Variants in CABP5 observed in about 807,000 individuals in gnomAD.
The protein encoded by CABP5 is calcium-binding protein 5.
A neutral mutation model predicts 21.9 loss-of-function variants in CABP5; 17 were observed. The observed-to-expected ratio is 0.78, with a 90% confidence interval of 0.53 to 1.17. The LOEUF (loss-of-function observed/expected upper bound fraction) is 1.17. CABP5 is among the 50% of genes most tolerant of loss of function. The pLI, the probability that CABP5 is intolerant of heterozygous loss-of-function variation, is 0.00. For missense variants in CABP5, 229 were observed against 228.9 expected (o/e 1.00, Z 0.00); for synonymous variants, 85 against 79.4 (o/e 1.07, Z -0.37).
chr19:48,034,546 T>TC (rs1967384318), intron 4 of CABP5, among the ~76,000 whole-genome samples, 184 bp from the exon 5 acceptor site: 3 of 70,834 alleles, frequency 4.2e-5, no homozygotes, highest in Admixed American at 1.4e-4. Flanking sequence ...TTTTCTTTCT[T>TC]TTTTTTTTTT....
intron 3 of CABP5, 75 bp from the exon 4 acceptor site, chr19:48,039,392 CAGTT>C (rs1249950106): frequency 9.1e-7 from 1 of 1,098,770 alleles, no homozygotes; most frequent in Non-Finnish European, 1.4e-6. Context: ...TGCTTCGAGT[CAGTT>C]AGATCAGCTC....
chr19:48,038,503 T>G (rs1410255660), intron 4 of CABP5, among the ~76,000 whole-genome samples: 1 of 152,110 alleles, frequency 6.6e-6, no homozygotes, highest in African/African-American at 2.4e-5. Context: ...GATCTCAAAT[T>G]CTTGGATTCT....
intron 4 of CABP5, among the ~76,000 whole-genome samples, chr19:48,038,644 T>C (rs138124949): frequency 1.3e-5 from 2 of 152,102 alleles, no homozygotes; most frequent in South Asian, 4.1e-4. Context: ...CTGGTCAACA[T>C]GGTGAAACCC....
chr19:48,039,102 G>T, intron 4 of CABP5, 106 bp downstream of exon 4: 1 of 794,612 alleles, frequency 1.3e-6, no homozygotes, highest in Non-Finnish European at 2.1e-6. Flanking sequence ...GAAAAAAAAA[G>T]GTGGGGGCCT....
In CABP5 at chr19:48,043,928, G is replaced by T. The variant is rs1967516816; in HGVS notation, c.-6C>A. ...GGGCCCATGGGGAACTGCATGGAGG[G>T]GTGGGGTGGAGCTCGCAGGGCACCA... On this transcript the variant is annotated 5_prime_UTR_variant, in exon 1 of 6. Coordinates refer to ENST00000293255, the MANE Select transcript of CABP5 (RefSeq NM_019855.5). 4.0e-6 allele frequency: 6 copies of T among 1,508,782 alleles called. No individual in the cohort carries two copies. Among genetic ancestry groups the T allele is most frequent in the Non-Finnish European group, 5.3e-6 (6 of 1,135,234 alleles). 93.5% of individuals were successfully genotyped at this position (1,508,782 alleles called of 1,614,324 possible). A position where few individuals can be genotyped will look rare whatever the true frequency, so the allele number is the denominator to read the frequency against.
At chr19:48,032,700 G>A (rs545825038) in intron 5 of CABP5, among the ~76,000 whole-genome samples, 29 of 149,172 alleles carry the variant, frequency 1.9e-4, no homozygotes, top group African/African-American at 6.7e-4. Context: ...GTGTGACCTC[G>A]GCTCACTGCA....
chr19:48,039,113 G>T, intron 4 of CABP5, 95 bp downstream of exon 4: 1 of 921,752 alleles, frequency 1.1e-6, no homozygotes, highest in Non-Finnish European at 1.8e-6. Context: ...GTGGGGGCCT[G>T]GTTGGTGGGT....
chr19:48,033,304 G>A (rs1017899052), intron 5 of CABP5, among the ~76,000 whole-genome samples: 3 of 135,060 alleles, frequency 2.2e-5, no homozygotes, highest in African/African-American at 7.5e-5. Flanking sequence ...ATGTCCGGCC[G>A]ACATGCCTTC....
At chr19:48,041,442 A>G (rs1763810373) in intron 2 of CABP5, 131 bp downstream of exon 2, 2 of 884,762 alleles carry the variant, frequency 2.3e-6, no homozygotes, top group African/African-American at 1.7e-5. Flanking sequence ...ACAAAATTAC[A>G]GTTGAGTGGG....
chr19:48,042,104 C>T (rs1357401418), intron 1 of CABP5, among the ~76,000 whole-genome samples: 2 of 152,158 alleles, frequency 1.3e-5, no homozygotes, highest in African/African-American at 2.4e-5. Flanking sequence ...TCACACAGCT[C>T]ACAAGCAGCA....
intron 4 of CABP5, among the ~76,000 whole-genome samples, chr19:48,038,091 A>G (rs886804058): frequency 5.9e-5 from 9 of 152,020 alleles, no homozygotes. Context: ...ATTTTTTTGC[A>G]TTTTTAGTAG....
intron 5 of CABP5, among the ~76,000 whole-genome samples, chr19:48,032,367 C>T (rs1420744887): frequency 3.3e-5 from 5 of 150,104 alleles, no homozygotes; most frequent in African/African-American, 1.2e-4. Context: ...CGGAGTCTCG[C>T]TCTGTCACCC....
chr19:48,035,455 G>A (rs1251049121), intron 4 of CABP5, among the ~76,000 whole-genome samples: 1 of 152,210 alleles, frequency 6.6e-6, no homozygotes, highest in Non-Finnish European at 1.5e-5. Context: ...AAATTAGCCA[G>A]GCGTGGTGGC....
At chr19:48,042,946 T>C (rs774074991) in intron 1 of CABP5, among the ~76,000 whole-genome samples, 15 of 152,134 alleles carry the variant, frequency 9.9e-5, no homozygotes, top group Non-Finnish European at 2.1e-4. Flanking sequence ...CAAGTTGGTA[T>C]ATATGGAAAA....
Position 48,043,924 on chromosome 19 carries a change from G to C in CABP5, c.-2C>G, listed in dbSNP as rs1415174923. 6.6e-7 allele frequency: 1 copy of C among 1,507,488 alleles called. No individual in the cohort carries two copies. The highest frequency in any genetic ancestry group is 8.8e-7 in the Non-Finnish European group (1 of 1,134,264). 93.4% of individuals were successfully genotyped at this position (1,507,488 alleles called of 1,614,324 possible). On this transcript the variant is annotated 5_prime_UTR_variant, in exon 1 of 6. Coordinates refer to ENST00000293255, the MANE Select transcript of CABP5 (RefSeq NM_019855.5). ...GGCGGGGCCCATGGGGAACTGCATG[G>C]AGGGGTGGGGTGGAGCTCGCAGGGC...
rs1600130529 is a variant in CABP5 at position 48,043,876 on chromosome 19, A to G, written c.47T>C (p.Ile16Thr). ...GPACIFLRKG[I>T]AEKQRERPLG... ...CCACCTCACCCGCTGTTTCTCAGCA[A>G]TGCCTTTCCTCAAGAAGATGCAGGC... Residue 16 changes from isoleucine (I) to threonine (T), a missense_variant, in exon 1 of 6, where the codon ATT becomes ACT. Coordinates refer to ENST00000293255, the MANE Select transcript of CABP5 (RefSeq NM_019855.5). The G allele has an allele frequency of 6.7e-7, 1 of 1,499,202 alleles. No individual in the cohort carries two copies. The highest frequency in any genetic ancestry group is 8.9e-7 in the Non-Finnish European group (1 of 1,129,696). 92.9% of individuals were successfully genotyped at this position (1,499,202 alleles called of 1,614,324 possible). A position where few individuals can be genotyped will look rare whatever the true frequency, so the allele number is the denominator to read the frequency against.
chr19:48,034,153 G>GAGTT lies in CABP5; in HGVS notation c.496+58_496+61dup, dbSNP rs926194377. The GAGTT allele has an allele frequency of 9.0e-6, 13 of 1,438,264 alleles. No individual in the cohort carries two copies. In the African/African-American group the frequency reaches 1.9e-4, roughly 21 times the overall value. 89.1% of individuals were successfully genotyped at this position (1,438,264 alleles called of 1,614,324 possible). On this transcript the variant is annotated intron_variant, in intron 5 of 5. Transcript: ENST00000293255. ...TGGCCAACTTGGAAAATCTGACAGTGAGTTGGAAGTGGATTCCTGCGGTGG... is the reference window on the plus strand; with the variant it reads ...TGGCCAACTTGGAAAATCTGACAGTGAGTTAGTTGGAAGTGGATTCCTGCGGTGG...
Position 48,043,210 on chromosome 19 carries a change from G to T in CABP5, c.63+650C>A, listed in dbSNP as rs146150357. ...ATTTTTAGTAGAGATGGGGTCTTGT[G>T]TTTCCCAGGCTGGTCTCAAACTCCT... is the stretch of plus-strand genomic sequence containing the variant. On this transcript the variant is annotated intron_variant, in intron 1 of 5. Coordinates refer to ENST00000293255, the MANE Select transcript of CABP5 (RefSeq NM_019855.5). Among the ~76,000 whole-genome samples, 810 of 150,692 alleles carry T rather than the reference G, an allele frequency of 5.4e-3. 4 individuals are homozygous for T. Among genetic ancestry groups the T allele is most frequent in the South Asian group, 0.014 (68 of 4,730 alleles).
rs111744294 is a variant in CABP5 at position 48,038,683 on chromosome 19, T to C, written c.348+525A>G. Among the ~76,000 whole-genome samples, 21 of 152,156 alleles carry C rather than the reference T, an allele frequency of 1.4e-4. 1 individual carries two copies. Among genetic ancestry groups the C allele is most frequent in the African/African-American group, 5.1e-4 (21 of 41,518 alleles). On this transcript the variant is annotated intron_variant, in intron 4 of 5. Coordinates refer to ENST00000293255, the MANE Select transcript of CABP5 (RefSeq NM_019855.5). ...CTCTACGAAAAATACAAAAATTAGC[T>C]GGGTGTGGTATCGCGCACCTGTAAT...
Sources: allele counts gnomAD v4.1 joint callset (sites outside exome capture counted in the v4.1 genomes callset), GRCh38; gene constraint gnomAD v4.1.1; transcripts MANE v1.5; gene names NCBI Gene and HGNC (gene_info 2026-07-23, HGNC 2026-07-21).